Variants in STX1B observed in about 807,000 individuals in gnomAD.
STX1B encodes syntaxin 1B, also known as syntaxin-1B.
STX1B carries 7 observed loss-of-function variants against 39.4 expected under a neutral mutation model. The ratio of observed to expected loss-of-function variants is 0.18; its 90% CI spans 0.10 to 0.33. STX1B has a LOEUF of 0.33. STX1B is among the 10% of genes least tolerant of loss of function. STX1B has a pLI of 1.00. For missense variants in STX1B, 198 were observed against 383.2 expected (o/e 0.52, Z 4.04); for synonymous variants, 136 against 144.1 (o/e 0.94, Z 0.40).
At chr16:30,997,198 C>T in intron 5 of STX1B, 139 bp from the exon 6 acceptor site, 2 of 673,742 alleles carry the variant, frequency 3.0e-6, no homozygotes, top group Non-Finnish European at 5.3e-6. Context: ...GTTTACGGTC[C>T]CTTCTTCAGC....
rs1247967235 is a variant in STX1B at position 30,996,722 on chromosome 16, G to A, written c.498C>T (p.Asp166=). The stretch of plus-strand genomic sequence containing the variant: ...TGGCCAGCTTCCCGCTCTCCAGCAT[G>A]TCTTCCAGTTCTTCGTTGGTGGTGG... ...GRTTTNEELE[D]MLESGKLAIF... Residue 166 remains aspartate, a synonymous_variant, in exon 7 of 10, where the codon GAC becomes GAT. Coordinates refer to ENST00000215095, the MANE Select transcript of STX1B (RefSeq NM_052874.5). 14 of 1,614,036 alleles carry A rather than the reference G, an allele frequency of 8.7e-6. No homozygotes were observed. The highest frequency in any genetic ancestry group is 1.2e-5 in the Non-Finnish European group (14 of 1,179,986).
Position 30,992,799 on chromosome 16 carries a change from G to A in STX1B, c.*22C>T, listed in dbSNP as rs371648235. 140 of 1,514,130 alleles carry A rather than the reference G, an allele frequency of 9.2e-5. No homozygotes were observed. The highest frequency in any genetic ancestry group is 1.2e-4 in the Non-Finnish European group (132 of 1,101,838). The allele number at this position is 1,514,130 out of a possible 1,614,324, so 93.8% of individuals were successfully genotyped here. Reference sequence around the variant, plus strand: ...CCGATGTGGTGGGGGAAGGGTCTGGGAGAGAGAAGGGTGGGGGGGGCCTAC... The same window carrying A: ...CCGATGTGGTGGGGGAAGGGTCTGGAAGAGAGAAGGGTGGGGGGGGCCTAC... On this transcript the variant is annotated 3_prime_UTR_variant, in exon 10 of 10. Coordinates refer to ENST00000215095, the MANE Select transcript of STX1B (RefSeq NM_052874.5).
chr16:31,004,769 T>C (rs188075801), intron 1 of STX1B, among the ~76,000 whole-genome samples: 2 of 151,888 alleles, frequency 1.3e-5, no homozygotes, highest in South Asian at 2.1e-4. Context: ...TGCTGAGTGG[T>C]AACAATGCCT....
At chr16:31,000,811 C>T in intron 4 of STX1B, 117 bp downstream of exon 4, 1 of 996,316 alleles carries the variant, frequency 1.0e-6, no homozygotes, top group Non-Finnish European at 1.6e-6. Flanking sequence ...GTTGCCCAGG[C>T]TGGTGTTGAA....
chr16:30,994,574 A>G (rs2056581572), intron 7 of STX1B, among the ~76,000 whole-genome samples: 1 of 150,330 alleles, frequency 6.7e-6, no homozygotes, highest in Non-Finnish European at 1.5e-5. Flanking sequence ...TGGGCCACAG[A>G]GTGAGACCAT....
At chr16:30,997,321 C>T (rs1303540969) in intron 5 of STX1B, among the ~76,000 whole-genome samples, 181 bp downstream of exon 5, 1 of 152,132 alleles carries the variant, frequency 6.6e-6, no homozygotes, top group Non-Finnish European at 1.5e-5. Flanking sequence ...TGCGGCTCGA[C>T]CCCGCCCTCC....
intron 1 of STX1B, among the ~76,000 whole-genome samples, chr16:31,002,747 G>A (rs1029857220): frequency 6.6e-6 from 1 of 152,160 alleles, no homozygotes; most frequent in East Asian, 1.9e-4. Context: ...GCCCTGATCA[G>A]CCCCAGTGGA....
At position 31,000,993 on chromosome 16, in the gene STX1B, T is replaced by C. The variant is rs748657799; in HGVS notation, c.215A>G (p.Gln72Arg). The C allele has an allele frequency of 7.4e-6, 12 of 1,614,060 alleles. 1 individual carries two copies. In the South Asian group the frequency reaches 1.3e-4, roughly 18 times the overall value. ...GTCTGCAGTGAGATCCTCCAGCTCC[T>C]GTTTGGTCTCTGAGGGGAGGGCGAG... ...AAPNPDEKTK[Q>R]ELEDLTADIK... The change falls in exon 4 of 10, where the codon CAG becomes CGG. Residue 72 changes from glutamine to arginine, a missense_variant. Physicochemically the swap from Gln to Arg is conservative, Grantham distance 43. Transcript: ENST00000215095.
At chr16:30,996,883 G>T in intron 6 of STX1B, 68 bp downstream of exon 6, 2 of 1,559,744 alleles carry the variant, frequency 1.3e-6, no homozygotes, top group South Asian at 1.1e-5. Flanking sequence ...CTCCAGAGAG[G>T]AAATGCCTGG....
At chr16:31,008,122 C>G (rs2056663432) in intron 1 of STX1B, among the ~76,000 whole-genome samples, 1 of 152,016 alleles carries the variant, frequency 6.6e-6, no homozygotes, top group South Asian at 2.1e-4. Flanking sequence ...TCTCAGAGAC[C>G]CCGTTTCCAG....
intron 1 of STX1B, among the ~76,000 whole-genome samples, chr16:31,007,095 A>T (rs1295962616): frequency 6.6e-6 from 1 of 152,202 alleles, no homozygotes; most frequent in East Asian, 1.9e-4. Context: ...TAGGTGACAG[A>T]GGAAGACCAT....
rs55683703 is a variant in STX1B at position 30,992,090 on chromosome 16, GAC to G, written c.*729_*730del. 4.2e-3 allele frequency: 621 copies of G among 146,988 alleles called. 4 individuals carry two copies. The highest frequency in any genetic ancestry group is 0.013 in the African/African-American group (525 of 39,700). The allele number at this position is 146,988 out of a possible 1,614,324, so 9.1% of individuals were successfully genotyped here. On this transcript the variant is annotated 3_prime_UTR_variant, in exon 10 of 10. Coordinates refer to ENST00000215095, the MANE Select transcript of STX1B (RefSeq NM_052874.5). Reference sequence around the variant, plus strand: ...CTATCAATACTTCAGGCACATCCTGGACACACACACACACACACACACACACA... The same window carrying G: ...CTATCAATACTTCAGGCACATCCTGGACACACACACACACACACACACACA...
At position 30,996,982 on chromosome 16, in the gene STX1B, G is replaced by A; in HGVS notation, c.432C>T (p.Cys144=). 1 of 1,613,694 alleles carries A rather than the reference G, an allele frequency of 6.2e-7. No individual in the cohort carries two copies. The highest frequency in any genetic ancestry group is 1.3e-5 in the African/African-American group (1 of 74,954). The change falls in exon 6 of 10, where the codon TGC becomes TGT. Residue 144 remains cysteine, a synonymous_variant. Coordinates refer to ENST00000215095, the MANE Select transcript of STX1B (RefSeq NM_052874.5). The stretch of plus-strand genomic sequence containing the variant: ...CCAGTTGCCGCTGGATCCGGTCCTT[G>A]CAGCGGTCCCGGTACTTGGACTGGG... The part of the protein sequence containing the change: ...NATQSKYRDR[C]KDRIQRQLEI...
rs375767346 is a variant in STX1B, at chr16:31,009,126, T to C, written c.30+1241A>G. On this transcript the variant is annotated intron_variant, in intron 1 of 9. Transcript: ENST00000215095. The stretch of plus-strand genomic sequence containing the variant: ...CGGTCACTTGCCTCCAAACACCTTC[T>C]TCTCGTCTGTCTGTAACCTGGGTCC... Among the ~76,000 whole-genome samples the C allele has an allele frequency of 6.4e-4, 97 of 152,260 alleles. 3 individuals carry two copies. In the South Asian group the frequency reaches 0.019, roughly 31 times the overall value.
At chr16:30,994,892 C>CTTTTTTTTTTTTTTTTTTTTTTT (rs10524041) in intron 7 of STX1B, among the ~76,000 whole-genome samples, 4 of 99,832 alleles carry the variant, frequency 4.0e-5, no homozygotes, top group East Asian at 1.1e-3. Flanking sequence ...GTCTCCCCGT[C>CTTTTTTTTTTTTTTTTTTTTTTT]TTTTTTTTTT....
rs2143662002 is a variant in STX1B at position 30,993,480 on chromosome 16, T to C, written c.542A>G (p.Lys181Arg). Residue 181 changes from lysine (K) to arginine (R), a missense_variant, in exon 8 of 10, where the codon AAA (lysine) becomes AGA (arginine). Coordinates refer to ENST00000215095, the MANE Select transcript of STX1B (RefSeq NM_052874.5). The stretch of plus-strand genomic sequence containing the variant: ...CTGCTTCGTCATCTGTGAGTCCATT[T>C]TGATCTAGGGTGACGAGGGAGAGAG... ...GKLAIFTDDI[K>R]MDSQMTKQAL... 1 of 1,613,834 alleles carries C rather than the reference T, an allele frequency of 6.2e-7. No homozygotes were observed. The highest frequency in any genetic ancestry group is 1.1e-5 in the South Asian group (1 of 91,086).
chr16:31,006,955 A>G (rs1182530451), intron 1 of STX1B, among the ~76,000 whole-genome samples: 1 of 152,058 alleles, frequency 6.6e-6, no homozygotes, highest in Non-Finnish European at 1.5e-5. Context: ...TACAAAAGCA[A>G]AAAGAATTAG....
chr16:31,008,689 G>A (rs1331518554), intron 1 of STX1B, among the ~76,000 whole-genome samples: 2 of 152,100 alleles, frequency 1.3e-5, no homozygotes, highest in East Asian at 1.9e-4. Context: ...ATGACATCAC[G>A]GATGAAAGCC....
chr16:31,003,294 T>C lies in STX1B; in HGVS notation c.31-1691A>G, dbSNP rs533734312. On this transcript the variant is annotated intron_variant, in intron 1 of 9. Coordinates refer to ENST00000215095, the MANE Select transcript of STX1B (RefSeq NM_052874.5). ...ATCCGCCTGGAAAGGGAGTTTCCTC[T>C]GTCTTGGCTCACAGCTGCCCCCAGA... 7.8e-4 allele frequency among the ~76,000 whole-genome samples: 119 copies of C among 152,374 alleles called. 1 individual carries two copies. Among genetic ancestry groups the C allele is most frequent in the African/African-American group, 2.8e-3 (117 of 41,592 alleles).
Sources: gnomAD v4.1 joint callset for allele counts (sites outside exome capture counted in the v4.1 genomes callset) on GRCh38, gnomAD v4.1.1 for gene constraint, MANE v1.5 for transcripts, NCBI Gene and HGNC (gene_info 2026-07-23, HGNC 2026-07-21) for gene names.